The following RNASET2 variants were observed in gnomAD, a reference collection of about 807,000 sequenced individuals.
RNASET2 encodes the protein ribonuclease T2.
In RNASET2, 28 loss-of-function variants were observed where a neutral mutation model predicts 33.9. The ratio of observed to expected loss-of-function variants is 0.83; its 90% confidence interval spans 0.61 to 1.13. The LOEUF (loss-of-function observed/expected upper bound fraction) is 1.13, where lower values mean the gene tolerates loss of function less well. Among genes scored for constraint, RNASET2 ranks in the 50% most tolerant of loss-of-function variants. The pLI, the probability that RNASET2 is intolerant of heterozygous loss-of-function variation, is 0.00. For synonymous variants in RNASET2, 123 were observed against 121.0 expected (o/e 1.02, Z -0.11); for missense variants, 330 against 319.9 (o/e 1.03, Z -0.24).
intron 5 of RNASET2, among the ~76,000 whole-genome samples, chr6:166,942,179 A>G (rs1778708495): frequency 6.6e-6 from 1 of 151,436 alleles, no homozygotes; most frequent in Admixed American, 6.6e-5. Context: ...CAGCCTCCCA[A>G]GTAGCTGGGA....
At chr6:166,946,803 T>C (rs1455749317) in intron 3 of RNASET2, 64 bp from the exon 4 acceptor site, 3 of 947,090 alleles carry the variant, frequency 3.2e-6, no homozygotes, top group African/African-American at 1.6e-5. Flanking sequence ...GGCTTCTACA[T>C]GACCTTAGAA....
chr6:166,925,545 C>A lies in RNASET2; in HGVS notation c.*4043G>T, dbSNP rs1212517215. 2.6e-5 allele frequency among the ~76,000 whole-genome samples: 4 copies of A among 152,310 alleles called. No homozygotes were observed. Among genetic ancestry groups the A allele is most frequent in the Middle Eastern group, 3.4e-3 (1 of 294 alleles). On this transcript the variant is annotated 3_prime_UTR_variant, in exon 9 of 9. Transcript: ENST00000508775. ...GCCCTTGCCTCCCCCGTCCAGCCCT[C>A]ACCTCCATCATGCAGCCACTGTCTC... is the stretch of plus-strand genomic sequence containing the variant.
At chr6:166,950,017 T>C (rs901971823) in intron 2 of RNASET2, among the ~76,000 whole-genome samples, 1 of 152,252 alleles carries the variant, frequency 6.6e-6, no homozygotes, top group African/African-American at 2.4e-5. Flanking sequence ...GCTACAGATT[T>C]TTTTTTAAAT....
chr6:166,930,196 T>C (rs1350727750), intron 8 of RNASET2, among the ~76,000 whole-genome samples: 1 of 152,248 alleles, frequency 6.6e-6, no homozygotes, highest in African/African-American at 2.4e-5. Context: ...CAGTACCCTA[T>C]TGCTAAAAGA....
intron 8 of RNASET2, among the ~76,000 whole-genome samples, chr6:166,930,394 G>A (rs1778390902): frequency 2.0e-5 from 3 of 151,692 alleles, no homozygotes; most frequent in Non-Finnish European, 4.4e-5. Context: ...CACAGTACAT[G>A]AACATGTTCA....
intron 1 of RNASET2, among the ~76,000 whole-genome samples, chr6:166,955,281 GACAC>G (rs1262913545): frequency 2.8e-5 from 2 of 70,816 alleles, no homozygotes; most frequent in Admixed American, 1.5e-4. Context: ...GCGCACACAC[GACAC>G]ACACGCACAG....
intron 2 of RNASET2, 64 bp downstream of exon 2, chr6:166,952,424 G>T: frequency 7.0e-7 from 1 of 1,431,060 alleles, no homozygotes; most frequent in Non-Finnish European, 9.9e-7. Flanking sequence ...ACGGGCACGT[G>T]CACACAAACC....
At chr6:166,930,995 G>C in intron 8 of RNASET2, 49 bp downstream of exon 8, 1 of 1,306,668 alleles carries the variant, frequency 7.7e-7, no homozygotes, top group Non-Finnish European at 1.1e-6. Context: ...CAGAAAAGTA[G>C]AACCTGTCTT....
intron 1 of RNASET2, chr6:166,955,551 TGA>T: frequency 1.0e-6 from 1 of 987,046 alleles, no homozygotes; most frequent in Non-Finnish European, 1.2e-6. Flanking sequence ...CTTCGACCTC[TGA>T]GAGAACTTCG....
rs372505014 is a variant in RNASET2 at position 166,925,419 on chromosome 6, C to T, written c.*4169G>A. ...TAGCCCTCACCTCCCCTGTCCAGCCCGTCCTCACCTACACTGCACAGCCCT... is the reference window on the plus strand; with the variant it reads ...TAGCCCTCACCTCCCCTGTCCAGCCTGTCCTCACCTACACTGCACAGCCCT... On this transcript the variant is annotated 3_prime_UTR_variant, in exon 9 of 9. Transcript: ENST00000508775. Among the ~76,000 whole-genome samples, 2 of 146,016 alleles carry T rather than the reference C, an allele frequency of 1.4e-5. No individual in the cohort carries two copies. Among genetic ancestry groups the T allele is most frequent in the African/African-American group, 5.1e-5 (2 of 39,454 alleles).
At chr6:166,942,985 G>C (rs757678745) in intron 5 of RNASET2, 34 bp downstream of exon 5, 7 of 1,576,730 alleles carry the variant, frequency 4.4e-6, no homozygotes, top group African/African-American at 4.0e-5. Context: ...CGCTCAGACA[G>C]TAATCAAGAC....
intron 6 of RNASET2, chr6:166,935,146 C>T (rs1163623244): frequency 6.6e-6 from 1 of 151,998 alleles, no homozygotes; most frequent in African/African-American, 2.4e-5. Flanking sequence ...CATCATGGCC[C>T]GAACCCACAG....
rs532280959 is a variant in RNASET2 at position 166,942,058 on chromosome 6, C to CTTTTTTTCT, written c.332+960_332+961insAGAAAAAAA. 4.8e-3 allele frequency among the ~76,000 whole-genome samples: 615 copies of CTTTTTTTCT among 127,222 alleles called. 38 individuals are homozygous for CTTTTTTTCT. The East Asian group carries it at 0.086, about 18-fold the overall frequency. 83.5% of individuals were successfully genotyped at this position (127,222 alleles called of 152,430 possible). On this transcript the variant is annotated intron_variant, in intron 5 of 8. Transcript: ENST00000508775. ...AGATCATCATTTTAGAAGACATCTT[C>CTTTTTTTCT]TTTTTTTTTTTTGAGATGGAATCTT...
intron 6 of RNASET2, among the ~76,000 whole-genome samples, chr6:166,938,146 A>G (rs1163042759): frequency 6.6e-6 from 1 of 152,254 alleles, no homozygotes; most frequent in African/African-American, 2.4e-5. Context: ...AAGCAGCAAC[A>G]CAGAGGCTGT....
At chr6:166,948,430 A>G in intron 3 of RNASET2, 140 bp downstream of exon 3, 1 of 723,534 alleles carries the variant, frequency 1.4e-6, no homozygotes, top group Non-Finnish European at 2.5e-6. Flanking sequence ...AAGACTAAAG[A>G]TATTTTTAAA....
At position 166,948,619 on chromosome 6, in the gene RNASET2, G is replaced by A. The variant is rs750669368; in HGVS notation, c.154C>T (p.Gln52Ter). Residue 52 changes from glutamine to a stop codon, truncating the protein, a stop_gained, in exon 3 of 9, where the codon CAA becomes TAA. Transcript: ENST00000508775. LOFTEE classifies it high-confidence loss of function. Reference sequence around the variant, plus strand: ...TCCGGAGGGTCTCTACAGTCGTTTTGAATTTTCTAGGGAGAAAATATAACA... The same window carrying A: ...TCCGGAGGGTCTCTACAGTCGTTTTAAATTTTCTAGGGAGAAAATATAACA... ...HWPETVCEKI[Q>*]NDCRDPPDYW... 26 of 1,263,090 alleles carry A rather than the reference G, an allele frequency of 2.1e-5. No individual in the cohort carries two copies. Among genetic ancestry groups the A allele is most frequent in the Non-Finnish European group, 2.8e-5 (25 of 894,626 alleles). The allele number at this position is 1,263,090 out of a possible 1,614,324, so 78.2% of individuals were successfully genotyped here.
At chr6:166,939,231 G>A (rs181529763) in intron 5 of RNASET2, among the ~76,000 whole-genome samples, 1 of 152,276 alleles carries the variant, frequency 6.6e-6, no homozygotes, top group African/African-American at 2.4e-5. Context: ...CTACTCAGGA[G>A]GCTGAGGAGG....
At position 166,927,713 on chromosome 6, in the gene RNASET2, C is replaced by CAAAA. The variant is rs58837223; in HGVS notation, c.*1871_*1874dup. Among the ~76,000 whole-genome samples, 256 of 47,290 alleles carry CAAAA rather than the reference C, an allele frequency of 5.4e-3. 5 individuals carry two copies. The highest frequency in any genetic ancestry group is 0.012 in the South Asian group (14 of 1,132). The allele number at this position is 47,290 out of a possible 152,430, so 31.0% of individuals were successfully genotyped here. ...TGATCCCTGTGTTCGCAAAATGACT[C>CAAAA]AAAAAAAAAAAAAAAAAAAAAAAGA... On this transcript the variant is annotated 3_prime_UTR_variant, in exon 9 of 9. Coordinates refer to ENST00000508775, the MANE Select transcript of RNASET2 (RefSeq NM_003730.6).
rs1333182460 is a variant in RNASET2, at chr6:166,928,222, T to G, written c.*1366A>C. ...AGAGGCCGTCCTGTGTCTCCTTTAA[T>G]GCCTGCGGGGGACGCAGAGGCCACT... On this transcript the variant is annotated 3_prime_UTR_variant, in exon 9 of 9. Coordinates refer to ENST00000508775, the MANE Select transcript of RNASET2 (RefSeq NM_003730.6). Among the ~76,000 whole-genome samples, 2 of 152,226 alleles carry G rather than the reference T, an allele frequency of 1.3e-5. No individual in the cohort carries two copies. Among genetic ancestry groups the G allele is most frequent in the Non-Finnish European group, 2.9e-5 (2 of 68,038 alleles).
Sources: allele counts gnomAD v4.1 joint callset (sites outside exome capture counted in the v4.1 genomes callset), GRCh38; gene constraint gnomAD v4.1.1; transcripts MANE v1.5; gene names NCBI Gene and HGNC (gene_info 2026-07-23, HGNC 2026-07-21).